CDK13: variants seen among roughly 807,000 people sequenced by gnomAD.
The protein encoded by CDK13 is cyclin-dependent kinase 13.
A neutral mutation model predicts 137.6 loss-of-function variants in CDK13; 40 were observed. The observed-to-expected ratio is 0.29, with a 90% CI of 0.23 to 0.38. The LOEUF (loss-of-function observed/expected upper bound fraction) is 0.38. Ranked by LOEUF, CDK13 falls within the 10% of genes least tolerant of loss-of-function variation. The pLI is 1.00. For missense variants in CDK13, 1,704 were observed against 1,951.8 expected (o/e 0.87, Z 2.39); for synonymous variants, 869 against 760.1 (o/e 1.14, Z -2.36).
At chr7:39,967,761 T>A (rs569901090) in intron 1 of CDK13, among the ~76,000 whole-genome samples, 5 of 152,330 alleles carry the variant, frequency 3.3e-5, no homozygotes, top group African/African-American at 1.2e-4. Flanking sequence ...TTATCTTTCA[T>A]TTTTTTGATG....
intron 4 of CDK13, among the ~76,000 whole-genome samples, chr7:39,999,735 G>A (rs1196294094): frequency 6.6e-6 from 1 of 152,166 alleles, no homozygotes; most frequent in Non-Finnish European, 1.5e-5. Context: ...GTGATATACT[G>A]TATGGTAGGA....
chr7:40,062,770 A>C (rs1467520846), intron 7 of CDK13, 56 bp from the exon 8 acceptor site: 8 of 1,204,850 alleles, frequency 6.6e-6, no homozygotes, highest in Non-Finnish European at 9.8e-6. Context: ...TTCCTCAGAG[A>C]ATCTGTCTTA....
intron 6 of CDK13, among the ~76,000 whole-genome samples, chr7:40,046,640 C>G (rs1785747558): frequency 6.6e-6 from 1 of 151,156 alleles, no homozygotes; most frequent in Non-Finnish European, 1.5e-5. Context: ...CAGCGAGACT[C>G]TGGCTCAAAA....
chr7:40,000,604 A>T (rs868393695), intron 4 of CDK13, among the ~76,000 whole-genome samples: 9 of 152,220 alleles, frequency 5.9e-5, no homozygotes, highest in South Asian at 4.1e-4. Context: ...TATATGGGAG[A>T]TGACCTTACG....
Position 40,095,177 on chromosome 7 carries a change from G to T in CDK13, c.*197G>T, listed in dbSNP as rs1354796475. On this transcript the variant is annotated 3_prime_UTR_variant, in exon 14 of 14. Transcript: ENST00000181839. Reference sequence around the variant, plus strand: ...TAAATTCATGCTGTTCTAAAAACTAGATCGATTGTACATCTTCACAAATTC... The same window carrying T: ...TAAATTCATGCTGTTCTAAAAACTATATCGATTGTACATCTTCACAAATTC... 7.6e-6 allele frequency: 3 copies of T among 395,200 alleles called. No individual in the cohort carries two copies. The highest frequency in any genetic ancestry group is 1.3e-5 in the Non-Finnish European group (3 of 231,438). The allele number at this position is 395,200 out of a possible 1,614,324, so 24.5% of individuals were successfully genotyped here.
chr7:39,963,430 G>C (rs889091061), intron 1 of CDK13, among the ~76,000 whole-genome samples: 4 of 151,878 alleles, frequency 2.6e-5, no homozygotes, highest in Non-Finnish European at 5.9e-5. Context: ...CTGTTTGTCT[G>C]TTATTGGTGT....
rs529357645 is a variant in CDK13, at chr7:40,011,142, T to G, written c.2353+9111T>G. 3.3e-5 allele frequency among the ~76,000 whole-genome samples: 5 copies of G among 152,356 alleles called. No individual in the cohort carries two copies. The South Asian group carries it at 1.0e-3, about 32-fold the overall frequency. ...ACTTCAGAATCTGACAAGCTGATTC[T>G]GAGATTCATATGCAAATTCAAAGGA... On this transcript the variant is annotated intron_variant, in intron 5 of 13. Coordinates refer to ENST00000181839, the MANE Select transcript of CDK13 (RefSeq NM_003718.5).
rs538376750 is a variant in CDK13 at position 39,995,694 on chromosome 7, G to C, written c.1872-1800G>C. On this transcript the variant is annotated intron_variant, in intron 2 of 13. Transcript: ENST00000181839. ...GGAGAGGCAAATTGAGAAGTGGGCT[G>C]TGTAATATATTACTTTAAAAATAAA... Among the ~76,000 whole-genome samples, 12 of 152,302 alleles carry C rather than the reference G, an allele frequency of 7.9e-5. No individual in the cohort carries two copies. In the South Asian group the frequency reaches 2.5e-3, roughly 32 times the overall value.
At chr7:40,049,973 T>TTTTTG (rs1431397362) in intron 7 of CDK13, among the ~76,000 whole-genome samples, 6 of 151,628 alleles carry the variant, frequency 4.0e-5, no homozygotes, top group Non-Finnish European at 7.4e-5. Flanking sequence ...CATTTTCCTT[T>TTTTTG]TTTTGTTTTG....
chr7:40,081,590 G>T (rs1298887172), intron 11 of CDK13, among the ~76,000 whole-genome samples: 2 of 152,100 alleles, frequency 1.3e-5, no homozygotes, highest in African/African-American at 4.8e-5. Context: ...ACAAATACAT[G>T]TATATAAATG....
At chr7:40,037,296 A>G (rs144742912) in intron 5 of CDK13, among the ~76,000 whole-genome samples, 5 of 152,240 alleles carry the variant, frequency 3.3e-5, no homozygotes, top group African/African-American at 9.6e-5. Context: ...ATAAGATTGC[A>G]GTGAGATGTT....
intron 5 of CDK13, among the ~76,000 whole-genome samples, chr7:40,018,984 A>G (rs1051652617): frequency 1.3e-5 from 2 of 152,258 alleles, no homozygotes; most frequent in Non-Finnish European, 2.9e-5. Flanking sequence ...CAACATAAAT[A>G]TCTCAACAAT....
intron 5 of CDK13, among the ~76,000 whole-genome samples, chr7:40,038,300 A>G (rs1044635675): frequency 2.0e-5 from 3 of 152,334 alleles, no homozygotes; most frequent in African/African-American, 7.2e-5. Flanking sequence ...TTAGTAGACA[A>G]AAATCATTTT....
intron 1 of CDK13, among the ~76,000 whole-genome samples, chr7:39,979,914 A>C (rs1273841506): frequency 6.6e-6 from 1 of 152,214 alleles, no homozygotes; most frequent in Non-Finnish European, 1.5e-5. Context: ...TTTTGAGCCA[A>C]GGAATGTAGA....
intron 1 of CDK13, 63 bp downstream of exon 1, chr7:39,951,915 G>A: frequency 1.5e-6 from 2 of 1,313,450 alleles, no homozygotes; most frequent in Non-Finnish European, 1.9e-6. Flanking sequence ...CAGGAGGAAG[G>A]GAAAGTGGTG....
At chr7:39,970,622 A>T (rs1783978200) in intron 1 of CDK13, among the ~76,000 whole-genome samples, 1 of 151,954 alleles carries the variant, frequency 6.6e-6, no homozygotes, top group Non-Finnish European at 1.5e-5. Flanking sequence ...CACCACGCCC[A>T]GCTAATTTTT....
intron 1 of CDK13, among the ~76,000 whole-genome samples, chr7:39,975,187 G>T (rs1207840882): frequency 6.6e-6 from 1 of 152,120 alleles, no homozygotes; most frequent in East Asian, 1.9e-4. Flanking sequence ...GCCGAGGCAG[G>T]AGGGTCACTT....
In CDK13 at chr7:40,093,007, C is replaced by G; in HGVS notation, c.3458C>G (p.Ser1153Trp). Residue 1153 changes from serine (S) to tryptophan (W), a missense_variant, in exon 13 of 14, where the codon TCG (serine) becomes TGG (tryptophan). This residue lies in a region of CDK13 where 475 missense variants were observed against 579.3 expected (regional missense o/e 0.82). Transcript: ENST00000181839. The stretch of plus-strand genomic sequence containing the variant: ...CCATCAACACCACAACAGGAGTCTT[C>G]GAAACCGTTGGGAGGAATTCAGCCT... ...TDPSTPQQESSKPLGGIQPSS... is the reference protein window; with the variant it reads ...TDPSTPQQESWKPLGGIQPSS... 2.5e-6 allele frequency: 4 copies of G among 1,614,152 alleles called. No individual in the cohort carries two copies. The highest frequency in any genetic ancestry group is 2.5e-6 in the Non-Finnish European group (3 of 1,180,028).
chr7:40,019,102 A>G (rs919692115), intron 5 of CDK13, among the ~76,000 whole-genome samples: 2 of 152,232 alleles, frequency 1.3e-5, no homozygotes, highest in Non-Finnish European at 2.9e-5. Context: ...TACTGTTTAC[A>G]AAGGACTAGG....
Sources: gnomAD v4.1 joint callset for allele counts (sites outside exome capture counted in the v4.1 genomes callset) on GRCh38, gnomAD v4.1.1 for gene constraint, gnomAD v4.1.1 regional missense constraint, MANE v1.5 for transcripts, NCBI Gene and HGNC (gene_info 2026-07-23, HGNC 2026-07-21) for gene names.